The following CRTC3 variants were observed in gnomAD, a reference collection of about 807,000 sequenced individuals.
CRTC3 encodes CREB-regulated transcription coactivator 3.
Under a neutral mutation model 74.5 loss-of-function variants are expected in CRTC3, and 26 were observed. The ratio of observed to expected loss-of-function variants is 0.35; its 90% confidence interval spans 0.26 to 0.48. The LOEUF (loss-of-function observed/expected upper bound fraction) is 0.48. Ranked by LOEUF, CRTC3 falls within the 20% of genes least tolerant of loss-of-function variation. The pLI, the probability that CRTC3 is intolerant of heterozygous loss-of-function variation, is 0.99. For missense variants in CRTC3, 760 were observed against 787.3 expected (o/e 0.97, Z 0.41); for synonymous variants, 377 against 325.8 (o/e 1.16, Z -1.69).
intron 2 of CRTC3, among the ~76,000 whole-genome samples, chr15:90,583,141 A>G (rs1013504585): frequency 7.9e-5 from 12 of 152,024 alleles, no homozygotes; most frequent in African/African-American, 2.7e-4. Flanking sequence ...ACACCCAGCC[A>G]TTATTTCTTA....
intron 2 of CRTC3, among the ~76,000 whole-genome samples, chr15:90,586,318 T>C (rs1967658040): frequency 6.6e-6 from 1 of 152,060 alleles, no homozygotes; most frequent in Admixed American, 6.6e-5. Flanking sequence ...TAATCCTGGT[T>C]TTCTGCATGT....
At chr15:90,612,026 A>ACTCCTCCTCCTCCTCCTC (rs59213374) in intron 6 of CRTC3, among the ~76,000 whole-genome samples, 5 of 51,242 alleles carry the variant, frequency 9.8e-5, no homozygotes, top group African/African-American at 4.2e-4. Flanking sequence ...ACCACCCCCC[A>ACTCCTCCTCCTCCTCCTC]CTCCTCCTCC....
rs1039198442 is a variant in CRTC3, at chr15:90,530,043, C to T, written c.-29C>T. 2.2e-6 allele frequency: 3 copies of T among 1,391,044 alleles called. No homozygotes were observed. Among genetic ancestry groups the T allele is most frequent in the Non-Finnish European group, 2.8e-6 (3 of 1,055,578 alleles). 86.2% of individuals were successfully genotyped at this position (1,391,044 alleles called of 1,614,324 possible). On this transcript the variant is annotated 5_prime_UTR_variant, in exon 1 of 15. Coordinates refer to ENST00000268184, the MANE Select transcript of CRTC3 (RefSeq NM_022769.5). The surrounding 1 kb of genome is among the most constrained non-coding windows in gnomAD (Gnocchi z 6.2). ...GGTACAGGCCCCACGGCCGCCGTCT[C>T]CCGCTTCTGCCCGCGCAGAGTCCGC... is the stretch of plus-strand genomic sequence containing the variant.
chr15:90,561,370 A>T (rs1024274220), intron 2 of CRTC3, among the ~76,000 whole-genome samples: 5 of 152,350 alleles, frequency 3.3e-5, no homozygotes, highest in African/African-American at 1.2e-4. Context: ...CTTAAATGTC[A>T]TACAGGCTAG....
chr15:90,598,403 C>G (rs1359103848), intron 3 of CRTC3: 1 of 702,698 alleles, frequency 1.4e-6, no homozygotes, highest in Non-Finnish European at 2.6e-6. Context: ...GAGCTGCTCC[C>G]CTTCCTTTGG....
At chr15:90,628,377 G>C (rs1037604940) in intron 10 of CRTC3, among the ~76,000 whole-genome samples, 2 of 152,038 alleles carry the variant, frequency 1.3e-5, no homozygotes, top group African/African-American at 4.8e-5. Flanking sequence ...AAGAAAGATG[G>C]GCTGAAGGTT....
intron 9 of CRTC3, chr15:90,624,791 C>T (rs536133246): frequency 6.6e-6 from 1 of 152,502 alleles, no homozygotes; most frequent in East Asian, 1.9e-4. Flanking sequence ...CCTGGGGCCC[C>T]GCCCTTGAGA....
intron 13 of CRTC3, among the ~76,000 whole-genome samples, chr15:90,640,323 AG>A (rs1449514260): frequency 6.6e-6 from 1 of 152,168 alleles, no homozygotes; most frequent in Non-Finnish European, 1.5e-5. Flanking sequence ...TCTCATAGGG[AG>A]GAGCTTGCCT....
intron 2 of CRTC3, among the ~76,000 whole-genome samples, chr15:90,581,650 C>T (rs1366937107): frequency 2.6e-5 from 4 of 152,124 alleles, no homozygotes; most frequent in African/African-American, 9.7e-5. Context: ...AAATCTTCCC[C>T]AAAGTAGAAT....
Position 90,644,910 on chromosome 15 carries a change from T to C in CRTC3, c.*2770T>C, listed in dbSNP as rs1188306262. On this transcript the variant is annotated 3_prime_UTR_variant, in exon 15 of 15. Coordinates refer to ENST00000268184, the MANE Select transcript of CRTC3 (RefSeq NM_022769.5). ...GTTAAACAGCATAGAACTAAAAACC[T>C]GTCTGCATTTCCATTTTTTCTTTCT... 8.6e-6 allele frequency: 2 copies of C among 232,442 alleles called. No individual in the cohort carries two copies. Among genetic ancestry groups the C allele is most frequent in the Non-Finnish European group, 1.7e-5 (2 of 117,504 alleles). The allele number at this position is 232,442 out of a possible 1,614,324, so 14.4% of individuals were successfully genotyped here. A position where few individuals can be genotyped will look rare whatever the true frequency, so the allele number is the denominator to read the frequency against.
intron 11 of CRTC3, among the ~76,000 whole-genome samples, chr15:90,637,639 A>AT (rs1969289354): frequency 6.6e-6 from 1 of 152,180 alleles, no homozygotes; most frequent in African/African-American, 2.4e-5. Flanking sequence ...CCTTAGTTTT[A>AT]TTATCTCGAA....
intron 11 of CRTC3, 143 bp downstream of exon 11, chr15:90,629,675 T>G: frequency 1.4e-6 from 1 of 709,654 alleles, no homozygotes; most frequent in Non-Finnish European, 2.3e-6. Flanking sequence ...TGTTCGCTCT[T>G]ATATGTGAAA....
rs370506948 is a variant in CRTC3, at chr15:90,643,207, G to A, written c.*1067G>A. On this transcript the variant is annotated 3_prime_UTR_variant, in exon 15 of 15. Transcript: ENST00000268184. ...TGGAGTGAGTGCTGCAGAACCGTGC[G>A]TGCAGCGCATGATGAATGAGTGCGT... The A allele has an allele frequency of 3.8e-4, 89 of 232,702 alleles. 1 individual carries two copies. Among genetic ancestry groups the A allele is most frequent in the African/African-American group, 1.6e-3 (74 of 45,420 alleles). The allele number at this position is 232,702 out of a possible 1,614,324, so 14.4% of individuals were successfully genotyped here. A position where few individuals can be genotyped will look rare whatever the true frequency, so the allele number is the denominator to read the frequency against.
intron 3 of CRTC3, chr15:90,600,747 T>C (rs1012862157): frequency 6.6e-6 from 1 of 152,232 alleles, no homozygotes; most frequent in African/African-American, 2.4e-5. Flanking sequence ...TCTTAATGTG[T>C]AGTTTGTATC....
At chr15:90,571,707 C>T (rs188943535) in intron 2 of CRTC3, among the ~76,000 whole-genome samples, 23 of 152,282 alleles carry the variant, frequency 1.5e-4, no homozygotes, top group Admixed American at 8.5e-4. Flanking sequence ...CTCTACTTCA[C>T]ACCCTCCCCC....
intron 14 of CRTC3, 172 bp downstream of exon 14, chr15:90,641,371 G>A (rs1215459446): frequency 1.7e-6 from 1 of 593,456 alleles, no homozygotes; most frequent in Non-Finnish European, 3.0e-6. Flanking sequence ...CGTGACACAG[G>A]GCGGTGGGCC....
At chr15:90,616,733 T>A (rs1377002213) in intron 7 of CRTC3, among the ~76,000 whole-genome samples, 1 of 152,206 alleles carries the variant, frequency 6.6e-6, no homozygotes, top group Non-Finnish European at 1.5e-5. Context: ...GACCCAGCAT[T>A]CTTGTTTTAC....
chr15:90,555,202 A>G (rs1204775642), intron 2 of CRTC3, among the ~76,000 whole-genome samples: 1 of 152,172 alleles, frequency 6.6e-6, no homozygotes, highest in Non-Finnish European at 1.5e-5. Context: ...TTGATTGCCC[A>G]GACCAAAGCA....
At chr15:90,626,063 C>G (rs949409911) in intron 10 of CRTC3, 70 bp downstream of exon 10, 13 of 1,134,344 alleles carry the variant, frequency 1.1e-5, no homozygotes, top group South Asian at 2.5e-5. Context: ...GTGGCCTGTT[C>G]AGTGAATCAT....
Sources: allele counts gnomAD v4.1 joint callset (sites outside exome capture counted in the v4.1 genomes callset), GRCh38; gene constraint gnomAD v4.1.1; non-coding constraint Gnocchi (gnomAD v3.1); transcripts MANE v1.5; gene names NCBI Gene and HGNC (gene_info 2026-07-23, HGNC 2026-07-21).